Variants in HMCN2 observed in about 807,000 individuals in gnomAD.
HMCN2 encodes hemicentin 2, also known as hemicentin-2.
Under a neutral mutation model 377.5 loss-of-function variants are expected in HMCN2, and 325 were observed. The ratio of observed to expected loss-of-function variants is 0.86; its 90% CI spans 0.79 to 0.94. The LOEUF (loss-of-function observed/expected upper bound fraction) is 0.94. Among genes scored for constraint, HMCN2 ranks in the 40% least tolerant of loss-of-function variants. HMCN2 has a pLI of 0.00. For synonymous variants in HMCN2, 2,007 were observed against 2,046.8 expected, an observed-to-expected ratio of 0.98 and a Z score of 0.53; for missense variants, 4,543 against 4,725.3, an observed-to-expected ratio of 0.96 and a Z score of 1.13.
intron 7 of HMCN2, 87 bp downstream of exon 7, chr9:130,296,881 G>A (rs1836194611): frequency 2.3e-6 from 1 of 440,464 alleles, no homozygotes. Flanking sequence ...AGGTGTGGGG[G>A]GAATGCTTGG....
Position 130,357,976 on chromosome 9 carries a change from G to T in HMCN2, c.5568G>T (p.Gly1856=). 3 of 1,304,048 alleles carry T rather than the reference G, an allele frequency of 2.3e-6. No homozygotes were observed. Among genetic ancestry groups the T allele is most frequent in the Non-Finnish European group, 3.0e-6 (3 of 988,862 alleles). 80.8% of individuals were successfully genotyped at this position (1,304,048 alleles called of 1,614,324 possible). A position where few individuals can be genotyped will look rare whatever the true frequency, so the allele number is the denominator to read the frequency against. The change falls in exon 35 of 98, where the codon GGG becomes GGT. Residue 1856 remains glycine (G), a synonymous_variant. Transcript: ENST00000683500. ...ATGGTGTAGCCCTGGCAGCCTTTGG[G>T]GGGAACCTACAGGTATGTGCAGGGG... ...WKDGVALAAF[G]GNLQIEKVDL...
chr9:130,433,416 T>G lies in HMCN2; in HGVS notation c.14963T>G (p.Leu4988Arg), dbSNP rs1280613671. 1 of 1,492,798 alleles carries G rather than the reference T, an allele frequency of 6.7e-7. No individual in the cohort carries two copies. Among genetic ancestry groups the G allele is most frequent in the African/African-American group, 1.5e-5 (1 of 68,504 alleles). The allele number at this position is 1,492,798 out of a possible 1,614,324, so 92.5% of individuals were successfully genotyped here. A position where few individuals can be genotyped will look rare whatever the true frequency, so the allele number is the denominator to read the frequency against. ...CCCTCTACGCTGCAGTACCGGCTGCTGCCGCTGCCCCTGGGCGTGCGCGCC... is the reference window on the plus strand; with the variant it reads ...CCCTCTACGCTGCAGTACCGGCTGCGGCCGCTGCCCCTGGGCGTGCGCGCC... ...GGPSTLQYRL[L>R]PLPLGVRAHH... Residue 4988 changes from leucine (L) to arginine (R), a missense_variant, in exon 98 of 98, where the codon CTG (leucine) becomes CGG (arginine). Around this residue, in one of 5 missense-constraint regions of HMCN2, gnomAD observed 1,155 missense variants for 1,157.7 expected, o/e 1.00. Coordinates refer to ENST00000683500, the MANE Select transcript of HMCN2 (RefSeq NM_001291815.2).
At chr9:130,291,038 C>T (rs1554929909) in intron 4 of HMCN2, among the ~76,000 whole-genome samples, 1 of 152,176 alleles carries the variant, frequency 6.6e-6, no homozygotes, top group Non-Finnish European at 1.5e-5. Flanking sequence ...TCATGGCAGA[C>T]ATTGCTAATC....
intron 4 of HMCN2, among the ~76,000 whole-genome samples, chr9:130,290,256 G>A (rs373897597): frequency 5.9e-5 from 9 of 152,336 alleles, no homozygotes; most frequent in African/African-American, 2.2e-4. Flanking sequence ...TGGCCCTGCT[G>A]TGGGCAAGAG....
chr9:130,432,392 C>T, intron 96 of HMCN2, 37 bp from the exon 97 acceptor site: 4 of 1,550,254 alleles, frequency 2.6e-6, no homozygotes, highest in Non-Finnish European at 3.5e-6. Flanking sequence ...TCCATCTTTT[C>T]ATCTCCCTCC....
chr9:130,373,615 G>A (rs1841176383), intron 48 of HMCN2, among the ~76,000 whole-genome samples: 1 of 148,776 alleles, frequency 6.7e-6, no homozygotes, highest in Non-Finnish European at 1.5e-5. Context: ...GTGGATGGAT[G>A]GATGGATGGA....
In HMCN2 at chr9:130,428,348, C is replaced by A. The variant is rs1775844894; in HGVS notation, c.14066-10C>A. On this transcript the variant is annotated splice_polypyrimidine_tract_variant and intron_variant, in intron 92 of 97. Transcript: ENST00000683500. The surrounding 1 kb of genome is among the most constrained non-coding windows in gnomAD (Gnocchi z 5.0). ...TGTTCACACAGCCGTCTGCCCTGATCTGCCCCCAGATGTGGACGAGTGTGC... is the reference window on the plus strand; with the variant it reads ...TGTTCACACAGCCGTCTGCCCTGATATGCCCCCAGATGTGGACGAGTGTGC... The A allele has an allele frequency of 9.1e-6, 14 of 1,542,156 alleles. No homozygotes were observed. Among genetic ancestry groups the A allele is most frequent in the African/African-American group, 1.4e-5 (1 of 72,964 alleles).
At chr9:130,406,731 A>C in intron 82 of HMCN2, 1 of 155,940 alleles carries the variant, frequency 6.4e-6, no homozygotes, top group Admixed American at 6.2e-5. Context: ...CGGCTCCACC[A>C]CTTCCTGGGG....
intron 40 of HMCN2, 23 bp downstream of exon 40, chr9:130,363,013 C>G: frequency 2.0e-6 from 2 of 985,894 alleles, no homozygotes; most frequent in Non-Finnish European, 2.4e-6. Flanking sequence ...CTGGGAAAGC[C>G]ATGTGGTTCA....
At chr9:130,284,933 G>A (rs1295444201) in intron 2 of HMCN2, among the ~76,000 whole-genome samples, 4 of 152,206 alleles carry the variant, frequency 2.6e-5, no homozygotes, top group Non-Finnish European at 4.4e-5. Context: ...GGGTGGGCCC[G>A]TGTCACTCTT....
rs1408469511 is a variant in HMCN2 at position 130,357,867 on chromosome 9, A to AC, written c.5460dup (p.Ile1821HisfsTer42). ...TCGGTCAGTATCATTGGGGGTGAGAACATCACAGCTCCTTTCCTGCAGCCT... is the reference window on the plus strand; with the variant it reads ...TCGGTCAGTATCATTGGGGGTGAGAACCATCACAGCTCCTTTCCTGCAGCCT... On this transcript the variant is annotated frameshift_variant, in exon 35 of 98. Transcript: ENST00000683500. LOFTEE classifies it high-confidence loss of function. 7.7e-7 allele frequency: 1 copy of AC among 1,303,942 alleles called. No homozygotes were observed. The highest frequency in any genetic ancestry group is 1.0e-6 in the Non-Finnish European group (1 of 988,850). The allele number at this position is 1,303,942 out of a possible 1,614,324, so 80.8% of individuals were successfully genotyped here. A position where few individuals can be genotyped will look rare whatever the true frequency, so the allele number is the denominator to read the frequency against.
chr9:130,273,815 A>G (rs560046890), intron 1 of HMCN2, among the ~76,000 whole-genome samples: 1 of 152,000 alleles, frequency 6.6e-6, no homozygotes, highest in South Asian at 2.1e-4. Context: ...CTTGCTTTTG[A>G]TTTTGCACCA....
intron 1 of HMCN2, among the ~76,000 whole-genome samples, chr9:130,283,518 A>T (rs1835255058): frequency 6.8e-6 from 1 of 147,744 alleles, no homozygotes; most frequent in Non-Finnish European, 1.5e-5. Flanking sequence ...CACACTTTTG[A>T]CAAATGATAC....
intron 34 of HMCN2, among the ~76,000 whole-genome samples, chr9:130,357,247 T>C: frequency 9.3e-6 from 1 of 107,316 alleles, no homozygotes; most frequent in East Asian, 2.8e-4. Flanking sequence ...GGTGGATGGA[T>C]GGAAGGGTGG....
At chr9:130,377,823 G>A in intron 53 of HMCN2, 24 bp downstream of exon 53, 1 of 985,976 alleles carries the variant, frequency 1.0e-6, no homozygotes, top group Non-Finnish European at 1.2e-6. Flanking sequence ...GTGGGCCAGG[G>A]GTGGGGCGTC....
rs985378681 is a variant in HMCN2 at position 130,343,217 on chromosome 9, C to T, written c.3829+781C>T. Among the ~76,000 whole-genome samples, 281 of 152,298 alleles carry T rather than the reference C, an allele frequency of 1.8e-3. 1 individual carries two copies. Among genetic ancestry groups the T allele is most frequent in the South Asian group, 5.4e-3 (26 of 4,822 alleles). On this transcript the variant is annotated intron_variant, in intron 25 of 97. Coordinates refer to ENST00000683500, the MANE Select transcript of HMCN2 (RefSeq NM_001291815.2). The stretch of plus-strand genomic sequence containing the variant: ...CCGCCACTGCCTCAGTTGCTTCTTT[C>T]GGCGTTGGGCTCCTGCATGGCTGGG...
In HMCN2 at chr9:130,334,736, C is replaced by CTT. The variant is rs1838633498; in HGVS notation, c.3360-3157_3360-3156insTT. The stretch of plus-strand genomic sequence containing the variant: ...CTCTCTCTCTCTTCTCTCTTTCTCT[C>CTT]TCTTTCTCTTTCTCTCTCTCTCTTC... On this transcript the variant is annotated intron_variant, in intron 22 of 97. Coordinates refer to ENST00000683500, the MANE Select transcript of HMCN2 (RefSeq NM_001291815.2). Among the ~76,000 whole-genome samples the CTT allele has an allele frequency of 3.7e-5, 5 of 136,170 alleles. No individual in the cohort carries two copies. The South Asian group carries it at 1.3e-3, about 36-fold the overall frequency. 89.3% of individuals were successfully genotyped at this position (136,170 alleles called of 152,430 possible).
chr9:130,416,432 C>G (rs1244218200), intron 85 of HMCN2, among the ~76,000 whole-genome samples: 1 of 152,056 alleles, frequency 6.6e-6, no homozygotes, highest in African/African-American at 2.4e-5. Context: ...GGAATCACCC[C>G]ACACGTGCTC....
chr9:130,399,714 G>T, intron 76 of HMCN2, 82 bp downstream of exon 76: 1 of 1,055,026 alleles, frequency 9.5e-7, no homozygotes, highest in Non-Finnish European at 1.3e-6. Context: ...CTGCCAGCAG[G>T]GAATTGTGTG....
Sources: allele counts gnomAD v4.1 joint callset (sites outside exome capture counted in the v4.1 genomes callset), GRCh38; gene constraint gnomAD v4.1.1; regional missense constraint gnomAD v4.1.1; non-coding constraint Gnocchi (gnomAD v3.1); transcripts MANE v1.5; gene names NCBI Gene and HGNC (gene_info 2026-07-23, HGNC 2026-07-21).